ZNF407: variants seen among roughly 807,000 people sequenced by gnomAD.
ZNF407 encodes the protein zinc finger protein 407.
ZNF407 carries 17 observed loss-of-function variants against 131.2 expected under a neutral mutation model. The ratio of observed to expected loss-of-function variants is 0.13; its 90% CI spans 0.09 to 0.19. The LOEUF is 0.19. ZNF407 is among the 10% of genes least tolerant of loss of function. ZNF407 has a pLI of 1.00. For missense variants in ZNF407, 2,681 were observed against 2,830.6 expected (o/e 0.95, Z 1.20); for synonymous variants, 1,156 against 1,062.0 (o/e 1.09, Z -1.72).
intron 8 of ZNF407, among the ~76,000 whole-genome samples, chr18:74,932,583 A>G (rs918703058): frequency 2.0e-5 from 3 of 152,186 alleles, no homozygotes; most frequent in Non-Finnish European, 2.9e-5. Flanking sequence ...GATATTTGTT[A>G]TAACCAATCA....
At chr18:74,927,710 G>A (rs1971931969) in intron 8 of ZNF407, among the ~76,000 whole-genome samples, 2 of 152,272 alleles carry the variant, frequency 1.3e-5, no homozygotes, top group East Asian at 3.9e-4. Context: ...GAAAGTTACT[G>A]GATTTTGTTA....
chr18:74,979,819 T>C (rs1972568420), intron 8 of ZNF407, among the ~76,000 whole-genome samples: 2 of 152,366 alleles, frequency 1.3e-5, no homozygotes, highest in African/African-American at 4.8e-5. Flanking sequence ...CCACTTTACG[T>C]ATCTGTGATG....
intron 4 of ZNF407, among the ~76,000 whole-genome samples, chr18:74,808,291 G>A (rs1273883888): frequency 6.6e-6 from 1 of 152,150 alleles, no homozygotes; most frequent in Non-Finnish European, 1.5e-5. Context: ...TGGGATTATA[G>A]GTGTGAGCCA....
At chr18:74,866,800 ATAT>A (rs1971017125) in intron 4 of ZNF407, among the ~76,000 whole-genome samples, 1 of 148,324 alleles carries the variant, frequency 6.7e-6, no homozygotes, top group African/African-American at 2.5e-5. Flanking sequence ...TTTATTCATT[ATAT>A]TATTTTATTT....
At chr18:75,013,974 T>C (rs2122187684) in intron 8 of ZNF407, among the ~76,000 whole-genome samples, 1 of 152,184 alleles carries the variant, frequency 6.6e-6, no homozygotes, top group African/African-American at 2.4e-5. Flanking sequence ...CACCAAAAAG[T>C]CTTAAGATCC....
rs762858989 is a variant in ZNF407, at chr18:74,781,512, A to G, written c.4877+10A>G. 6 of 1,492,994 alleles carry G rather than the reference A, an allele frequency of 4.0e-6. No homozygotes were observed. Among genetic ancestry groups the G allele is most frequent in the Non-Finnish European group, 4.5e-6 (5 of 1,123,044 alleles). The allele number at this position is 1,492,994 out of a possible 1,614,324, so 92.5% of individuals were successfully genotyped here. Reference sequence around the variant, plus strand: ...GCACCCCAAAAGAAAGGTAATTTTCATTCTTTTTTTTTCATTTAAAAATAC... The same window carrying G: ...GCACCCCAAAAGAAAGGTAATTTTCGTTCTTTTTTTTTCATTTAAAAATAC... On this transcript the variant is annotated intron_variant, in intron 4 of 8. Transcript: ENST00000299687.
intron 7 of ZNF407, among the ~76,000 whole-genome samples, chr18:74,911,142 C>T (rs776739246): frequency 6.6e-6 from 1 of 152,302 alleles, no homozygotes; most frequent in Admixed American, 6.5e-5. Context: ...TAGCTTTTCT[C>T]AATCTGCGGC....
intron 3 of ZNF407, among the ~76,000 whole-genome samples, chr18:74,654,887 AAAG>A (rs1483773277): frequency 1.3e-5 from 2 of 152,016 alleles, no homozygotes; most frequent in East Asian, 3.9e-4. Context: ...AGTAACTAAA[AAAG>A]AAGATGAAGG....
chr18:74,712,288 T>C (rs981552961), intron 3 of ZNF407, among the ~76,000 whole-genome samples: 2 of 152,228 alleles, frequency 1.3e-5, no homozygotes, highest in African/African-American at 4.8e-5. Flanking sequence ...AGTTTCTTCA[T>C]TTAAAATTAG....
chr18:74,960,962 G>T, intron 8 of ZNF407, among the ~76,000 whole-genome samples: 1 of 149,464 alleles, frequency 6.7e-6, no homozygotes, highest in African/African-American at 2.5e-5. Flanking sequence ...GGAGGGATAG[G>T]AGAAAGTCCT....
At chr18:74,964,798 A>G (rs185473899) in intron 8 of ZNF407, among the ~76,000 whole-genome samples, 8 of 152,252 alleles carry the variant, frequency 5.3e-5, no homozygotes, top group Admixed American at 5.2e-4. Flanking sequence ...AAGATTTCTC[A>G]AAGTGTTGCA....
intron 7 of ZNF407, among the ~76,000 whole-genome samples, chr18:74,906,701 C>T (rs994643629): frequency 2.0e-5 from 3 of 152,024 alleles, no homozygotes; most frequent in African/African-American, 7.3e-5. Context: ...TCCATGTATA[C>T]ATTTTATCTG....
intron 8 of ZNF407, among the ~76,000 whole-genome samples, chr18:74,992,078 G>A (rs1972725294): frequency 6.6e-6 from 1 of 152,174 alleles, no homozygotes. Context: ...ATGCATCTTA[G>A]AGCAGTAGCA....
intron 8 of ZNF407, among the ~76,000 whole-genome samples, chr18:74,984,802 A>G (rs528635794): frequency 6.6e-6 from 1 of 152,338 alleles, no homozygotes; most frequent in East Asian, 1.9e-4. Flanking sequence ...AAGATGGTGA[A>G]GAGCTGGCCC....
intron 1 of ZNF407, 35 bp from the exon 2 acceptor site, chr18:74,630,932 T>G: frequency 7.0e-7 from 1 of 1,437,186 alleles, no homozygotes; most frequent in Non-Finnish European, 9.2e-7. Flanking sequence ...TGTCTTTATA[T>G]TCAAGATTTA....
chr18:75,053,093 A>G (rs940988524), intron 8 of ZNF407, among the ~76,000 whole-genome samples: 3 of 152,160 alleles, frequency 2.0e-5, no homozygotes, highest in Admixed American at 6.5e-5. Context: ...ACACATGATT[A>G]CCTTATTGGA....
chr18:74,930,375 G>A (rs1018294610), intron 8 of ZNF407, among the ~76,000 whole-genome samples: 1 of 152,218 alleles, frequency 6.6e-6, no homozygotes, highest in Non-Finnish European at 1.5e-5. Context: ...GAATCCTCCA[G>A]TGGCAGCTTC....
chr18:74,995,737 C>T (rs182832567), intron 8 of ZNF407, among the ~76,000 whole-genome samples: 18 of 152,254 alleles, frequency 1.2e-4, no homozygotes, highest in African/African-American at 3.1e-4. Flanking sequence ...GCAGTTCATT[C>T]GGCTGTGCTC....
At chr18:74,683,649 T>C (rs1264776932) in intron 3 of ZNF407, among the ~76,000 whole-genome samples, 1 of 152,236 alleles carries the variant, frequency 6.6e-6, no homozygotes, top group African/African-American at 2.4e-5. Flanking sequence ...ACATACAAAC[T>C]ATTTTTGCTT....
Sources: gnomAD v4.1 joint callset for allele counts (sites outside exome capture counted in the v4.1 genomes callset) on GRCh38, gnomAD v4.1.1 for gene constraint, MANE v1.5 for transcripts, NCBI Gene and HGNC (gene_info 2026-07-23, HGNC 2026-07-21) for gene names.